TM9SF3: variants seen among roughly 807,000 people sequenced by gnomAD.
TM9SF3 encodes SM-11044-binding protein.
TM9SF3 carries 14 observed loss-of-function variants against 78.6 expected under a neutral mutation model. The observed-to-expected ratio is 0.18, with a 90% CI of 0.12 to 0.28. TM9SF3 has a LOEUF of 0.28. Among genes scored for constraint, TM9SF3 ranks in the 10% least tolerant of loss-of-function variants. The pLI is 1.00. For missense variants in TM9SF3, 496 were observed against 721.9 expected, an observed-to-expected ratio of 0.69 and a Z score of 3.59; for synonymous variants, 231 against 241.7, an observed-to-expected ratio of 0.96 and a Z score of 0.41.
chr10:96,522,222 G>A lies in TM9SF3; in HGVS notation c.*41C>T. On this transcript the variant is annotated 3_prime_UTR_variant, in exon 15 of 15. Transcript: ENST00000371142. ...TTTGCTGTGCAAGTTCCACCCCTAT[G>A]AAAAAGAAATTGATCCAAAGTTCCA... is the stretch of plus-strand genomic sequence containing the variant. 1 of 1,559,910 alleles carries A rather than the reference G, an allele frequency of 6.4e-7. No homozygotes were observed. Among genetic ancestry groups the A allele is most frequent in the Non-Finnish European group, 8.7e-7 (1 of 1,144,380 alleles).
At chr10:96,553,880 ATTTC>A (rs1564934079) in intron 5 of TM9SF3, among the ~76,000 whole-genome samples, 3 of 152,284 alleles carry the variant, frequency 2.0e-5, no homozygotes, top group South Asian at 2.1e-4. Flanking sequence ...CTGCCCAGTT[ATTTC>A]TTTATTTACA....
intron 5 of TM9SF3, 134 bp downstream of exon 5, chr10:96,559,525 T>A (rs559711051): frequency 3.7e-6 from 2 of 545,456 alleles, no homozygotes; most frequent in Admixed American, 8.0e-5. Flanking sequence ...TTCAAGCTCA[T>A]ACTTTAAATC....
At chr10:96,523,776 A>G (rs1847808067) in intron 14 of TM9SF3, among the ~76,000 whole-genome samples, 1 of 151,950 alleles carries the variant, frequency 6.6e-6, no homozygotes, top group Non-Finnish European at 1.5e-5. Flanking sequence ...AAGTTTTAAA[A>G]ATAAACTGCA....
At chr10:96,571,213 T>C (rs898889934) in intron 2 of TM9SF3, among the ~76,000 whole-genome samples, 3 of 152,102 alleles carry the variant, frequency 2.0e-5, no homozygotes, top group Non-Finnish European at 2.9e-5. Context: ...CCTCAAAAGC[T>C]AGGGGGACAG....
At chr10:96,570,907 T>C (rs1034242375) in intron 2 of TM9SF3, among the ~76,000 whole-genome samples, 2 of 151,974 alleles carry the variant, frequency 1.3e-5, no homozygotes, top group Admixed American at 6.6e-5. Flanking sequence ...CGGCTAATTT[T>C]TGTATTTTTT....
chr10:96,538,673 T>C (rs1009372264), intron 9 of TM9SF3, among the ~76,000 whole-genome samples: 1 of 152,100 alleles, frequency 6.6e-6, no homozygotes, highest in Admixed American at 6.6e-5. Flanking sequence ...ATAAGAACTC[T>C]TATCACTCAA....
intron 6 of TM9SF3, 116 bp from the exon 7 acceptor site, chr10:96,551,527 A>T: frequency 1.6e-6 from 1 of 631,664 alleles, no homozygotes; most frequent in Non-Finnish European, 2.4e-6. Flanking sequence ...TAGCTAAAGA[A>T]ATACAAAATA....
intron 5 of TM9SF3, among the ~76,000 whole-genome samples, chr10:96,557,106 T>A (rs1457757630): frequency 6.6e-6 from 1 of 152,200 alleles, no homozygotes; most frequent in Non-Finnish European, 1.5e-5. Context: ...TTAGCAATTA[T>A]TACATCCAGT....
Position 96,586,827 on chromosome 10 carries a change from C to T in TM9SF3, c.9G>A (p.Pro3=). 3.3e-6 allele frequency: 4 copies of T among 1,230,398 alleles called. No individual in the cohort carries two copies. Among genetic ancestry groups the T allele is most frequent in the South Asian group, 3.5e-5 (1 of 28,730 alleles). 76.2% of individuals were successfully genotyped at this position (1,230,398 alleles called of 1,614,324 possible). The change falls in exon 1 of 15, where the codon CCG becomes CCA. Residue 3 remains proline, a synonymous_variant. Coordinates refer to ENST00000371142, the MANE Select transcript of TM9SF3 (RefSeq NM_020123.4). ...CCGCCACGCCAAGAGCGCCAGGCAG[C>T]GGCCTCATCCTCCGCGCCCCTCCGG... MR[P]LPGALGVAAA...
chr10:96,536,839 G>A (rs1847966019), intron 9 of TM9SF3, among the ~76,000 whole-genome samples: 1 of 152,194 alleles, frequency 6.6e-6, no homozygotes, highest in African/African-American at 2.4e-5. Flanking sequence ...AGGCTGAAAT[G>A]CAGTGGCTAT....
chr10:96,525,566 C>T (rs1191124252), intron 14 of TM9SF3, among the ~76,000 whole-genome samples: 1 of 151,920 alleles, frequency 6.6e-6, no homozygotes, highest in African/African-American at 2.4e-5. Context: ...CAAGACTTAG[C>T]TTTTAATAAG....
chr10:96,526,467 C>T (rs1428291046), intron 14 of TM9SF3, among the ~76,000 whole-genome samples: 1 of 152,120 alleles, frequency 6.6e-6, no homozygotes, highest in Non-Finnish European at 1.5e-5. Context: ...ATGCTTATGC[C>T]TTTCCCATTT....
intron 14 of TM9SF3, among the ~76,000 whole-genome samples, chr10:96,524,083 T>C (rs1422000047): frequency 1.3e-5 from 2 of 151,754 alleles, no homozygotes; most frequent in African/African-American, 4.8e-5. Context: ...AGATAGGCCA[T>C]GAGTTGATAA....
chr10:96,518,493 C>G lies in TM9SF3; in HGVS notation c.*3770G>C, dbSNP rs867476873. ...GCTGATGAACTGGAGTAAACACAAACTGCTGCAGTTATCAATTAGCAAGCC... is the reference window on the plus strand; with the variant it reads ...GCTGATGAACTGGAGTAAACACAAAGTGCTGCAGTTATCAATTAGCAAGCC... On this transcript the variant is annotated 3_prime_UTR_variant, in exon 15 of 15. Coordinates refer to ENST00000371142, the MANE Select transcript of TM9SF3 (RefSeq NM_020123.4). 2.1e-4 allele frequency: 32 copies of G among 152,276 alleles called. No individual in the cohort carries two copies. The highest frequency in any genetic ancestry group is 7.7e-4 in the African/African-American group (32 of 41,572). 9.4% of individuals were successfully genotyped at this position (152,276 alleles called of 1,614,324 possible). A position where few individuals can be genotyped will look rare whatever the true frequency, so the allele number is the denominator to read the frequency against.
intron 2 of TM9SF3, among the ~76,000 whole-genome samples, chr10:96,571,160 T>A (rs184893305): frequency 2.6e-5 from 4 of 152,254 alleles, no homozygotes; most frequent in Admixed American, 2.6e-4. Flanking sequence ...GGAACTGGTG[T>A]CACAGAACCC....
intron 10 of TM9SF3, 53 bp from the exon 11 acceptor site, chr10:96,530,661 TA>T (rs1380605110): frequency 2.8e-6 from 4 of 1,433,696 alleles, no homozygotes; most frequent in Non-Finnish European, 3.8e-6. Context: ...CCATGTTATA[TA>T]AACACTGATA....
intron 2 of TM9SF3, among the ~76,000 whole-genome samples, chr10:96,570,621 T>C (rs1015929436): frequency 2.0e-5 from 3 of 152,162 alleles, no homozygotes; most frequent in Admixed American, 1.3e-4. Flanking sequence ...AGACTTCCAC[T>C]TACAAACAAG....
At chr10:96,536,809 A>G (rs1847965587) in intron 9 of TM9SF3, among the ~76,000 whole-genome samples, 1 of 152,212 alleles carries the variant, frequency 6.6e-6, no homozygotes, top group African/African-American at 2.4e-5. Context: ...TTGAAGAGAC[A>G]GGGTCTCACT....
intron 9 of TM9SF3, 67 bp from the exon 10 acceptor site, chr10:96,533,257 GACACAATTTAA>G (rs1290166288): frequency 7.3e-6 from 11 of 1,511,818 alleles, no homozygotes; most frequent in Non-Finnish European, 9.8e-6. Context: ...AAATAAAAGA[GACACAATTTAA>G]ACACAATTTG....
Sources: allele counts gnomAD v4.1 joint callset (sites outside exome capture counted in the v4.1 genomes callset), GRCh38; gene constraint gnomAD v4.1.1; transcripts MANE v1.5; gene names NCBI Gene and HGNC (gene_info 2026-07-23, HGNC 2026-07-21).